Variants in SPAG16 observed in about 807,000 individuals in gnomAD.
SPAG16 encodes the protein sperm associated antigen 16.
In SPAG16, 86 loss-of-function variants were observed where a neutral mutation model predicts 80.4. The ratio of observed to expected loss-of-function variants is 1.07; its 90% CI spans 0.90 to 1.28. SPAG16 has a LOEUF of 1.28. SPAG16 is among the 50% of genes most tolerant of loss of function. The probability of loss-of-function intolerance (pLI) is 0.00; values close to 1 mark genes in which losing one functional copy is unlikely to be tolerated. For synonymous variants in SPAG16, 294 were observed against 265.9 expected (o/e 1.11, Z -1.03); for missense variants, 870 against 765.3 (o/e 1.14, Z -1.61).
At chr2:214,373,500 T>C (rs542462860) in intron 15 of SPAG16, among the ~76,000 whole-genome samples, 52 of 152,286 alleles carry the variant, frequency 3.4e-4, no homozygotes, top group African/African-American at 1.2e-3. Flanking sequence ...GAAATAGAAA[T>C]ATATTAAATT....
intron 9 of SPAG16, among the ~76,000 whole-genome samples, chr2:213,407,174 G>A (rs1052614770): frequency 2.0e-5 from 3 of 152,190 alleles, no homozygotes; most frequent in African/African-American, 7.2e-5. Context: ...CTGCTGGACA[G>A]TGTGAGTGGG....
chr2:214,384,226 C>T (rs1201184534), intron 15 of SPAG16, among the ~76,000 whole-genome samples: 2 of 152,166 alleles, frequency 1.3e-5, no homozygotes, highest in African/African-American at 2.4e-5. Flanking sequence ...TTCATGAAGG[C>T]ATGACAATGC....
chr2:213,777,771 A>C (rs1402921230), intron 10 of SPAG16, among the ~76,000 whole-genome samples: 1 of 151,994 alleles, frequency 6.6e-6, no homozygotes, highest in African/African-American at 2.4e-5. Flanking sequence ...TCCTGACCTC[A>C]AGTGATCTGC....
intron 10 of SPAG16, among the ~76,000 whole-genome samples, chr2:213,736,724 G>A (rs1349224862): frequency 7.5e-6 from 1 of 133,218 alleles, no homozygotes; most frequent in Non-Finnish European, 1.6e-5. Context: ...TTTTTTTTGA[G>A]ACAGAGTTTC....
chr2:213,679,580 G>A (rs983514191), intron 10 of SPAG16, among the ~76,000 whole-genome samples: 4 of 151,908 alleles, frequency 2.6e-5, no homozygotes, highest in African/African-American at 7.3e-5. Context: ...TACTTATTTT[G>A]TTCTAACTGT....
At chr2:213,314,444 C>T (rs6716159) in intron 4 of SPAG16, among the ~76,000 whole-genome samples, 136,694 of 151,746 alleles carry the variant, frequency 0.9, 63,296 homozygotes, top group East Asian at 1. Context: ...ACCACAAAAA[C>T]ATTATGTATG....
chr2:213,316,673 G>T (rs2063412491), intron 4 of SPAG16, among the ~76,000 whole-genome samples: 1 of 151,850 alleles, frequency 6.6e-6, no homozygotes, highest in South Asian at 2.1e-4. Context: ...CACTTCCTTG[G>T]TTCAGGGCCA....
intron 10 of SPAG16, among the ~76,000 whole-genome samples, chr2:213,617,283 G>A (rs951600636): frequency 6.6e-6 from 1 of 152,084 alleles, no homozygotes; most frequent in South Asian, 2.1e-4. Context: ...GCTGATGATG[G>A]GCCTGGCACC....
chr2:213,667,600 G>C (rs935393471), intron 10 of SPAG16, among the ~76,000 whole-genome samples: 1 of 152,180 alleles, frequency 6.6e-6, no homozygotes, highest in Non-Finnish European at 1.5e-5. Context: ...AGAGATTGAC[G>C]TTGGAGAGAT....
chr2:213,562,787 A>T (rs1204383119), intron 10 of SPAG16, among the ~76,000 whole-genome samples: 1 of 151,112 alleles, frequency 6.6e-6, no homozygotes, highest in Non-Finnish European at 1.5e-5. Context: ...CTCTGTACTC[A>T]TGTGGTGGAA....
chr2:213,450,756 G>A (rs770835002), intron 9 of SPAG16, among the ~76,000 whole-genome samples: 11 of 152,062 alleles, frequency 7.2e-5, no homozygotes, highest in South Asian at 2.1e-4. Context: ...TACAATTTAT[G>A]TATGTTTTAA....
intron 10 of SPAG16, among the ~76,000 whole-genome samples, chr2:213,840,884 A>T (rs186133567): frequency 9.9e-5 from 15 of 152,274 alleles, no homozygotes; most frequent in Non-Finnish European, 1.3e-4. Context: ...AGAATACTGG[A>T]AACTAAGACC....
At chr2:213,787,170 G>A (rs755801897) in intron 10 of SPAG16, among the ~76,000 whole-genome samples, 1 of 151,988 alleles carries the variant, frequency 6.6e-6, no homozygotes, top group Non-Finnish European at 1.5e-5. Context: ...CATGACACAC[G>A]TTTACCTATG....
At chr2:213,285,816 C>T (rs771640192) in intron 1 of SPAG16, 40 of 979,986 alleles carry the variant, frequency 4.1e-5, no homozygotes, top group South Asian at 8.3e-5. Flanking sequence ...ATACTGTTTT[C>T]GTAGATGTAA....
At chr2:213,808,409 T>C (rs1188912001) in intron 10 of SPAG16, among the ~76,000 whole-genome samples, 1 of 152,114 alleles carries the variant, frequency 6.6e-6, no homozygotes, top group Non-Finnish European at 1.5e-5. Context: ...AAGAATGGTA[T>C]AGCTATAGTT....
intron 5 of SPAG16, among the ~76,000 whole-genome samples, chr2:213,330,722 T>A (rs1301147319): frequency 6.6e-6 from 1 of 152,116 alleles, no homozygotes; most frequent in Non-Finnish European, 1.5e-5. Flanking sequence ...AACATGAGAT[T>A]TGAGAGGGGC....
chr2:213,489,952 T>G lies in SPAG16; in HGVS notation c.943-11T>G, dbSNP rs750014829. 2 of 1,590,258 alleles carry G rather than the reference T, an allele frequency of 1.3e-6. No individual in the cohort carries two copies. Among genetic ancestry groups the G allele is most frequent in the Non-Finnish European group, 1.7e-6 (2 of 1,170,682 alleles). The stretch of plus-strand genomic sequence containing the variant: ...TTTAACACAGAGCTCTTGTTTAATT[T>G]TTTTCTCTAGGATTCAGAATTTCCC... On this transcript the variant is annotated splice_polypyrimidine_tract_variant and intron_variant, in intron 9 of 15. Transcript: ENST00000331683.
At chr2:214,338,389 C>T (rs1697445418) in intron 15 of SPAG16, among the ~76,000 whole-genome samples, 2 of 152,090 alleles carry the variant, frequency 1.3e-5, no homozygotes, top group South Asian at 2.1e-4. Context: ...TGGTGCATGC[C>T]TGTAGTCCCA....
intron 10 of SPAG16, among the ~76,000 whole-genome samples, chr2:213,819,916 C>A (rs1173864457): frequency 6.6e-6 from 1 of 150,758 alleles, no homozygotes; most frequent in Non-Finnish European, 1.5e-5. Flanking sequence ...GCCACCACAC[C>A]CGGCTAATTT....
Sources: gnomAD v4.1 joint callset for allele counts (sites outside exome capture counted in the v4.1 genomes callset) on GRCh38, gnomAD v4.1.1 for gene constraint, MANE v1.5 for transcripts, NCBI Gene and HGNC (gene_info 2026-07-23, HGNC 2026-07-21) for gene names.